LRRC8D: variants seen among roughly 807,000 people sequenced by gnomAD.
LRRC8D encodes volume-regulated anion channel subunit LRRC8D.
A neutral mutation model predicts 55.8 loss-of-function variants in LRRC8D; 20 were observed. The ratio of observed to expected loss-of-function variants is 0.36; its 90% CI spans 0.25 to 0.52. The LOEUF is 0.52. LRRC8D is among the 20% of genes least tolerant of loss of function. LRRC8D has a pLI of 0.93. For missense variants in LRRC8D, 651 were observed against 1,030.8 expected (o/e 0.63, Z 5.05); for synonymous variants, 352 against 377.0 (o/e 0.93, Z 0.77).
chr1:89,863,543 T>C (rs1474670535), intron 2 of LRRC8D, among the ~76,000 whole-genome samples: 1 of 152,174 alleles, frequency 6.6e-6, no homozygotes, highest in Non-Finnish European at 1.5e-5. Flanking sequence ...CTTTTTTTTT[T>C]CCTCCTAGCT....
intron 2 of LRRC8D, among the ~76,000 whole-genome samples, chr1:89,849,490 CTTT>C (rs34110970): frequency 2.0e-5 from 3 of 146,462 alleles, no homozygotes; most frequent in Non-Finnish European, 3.0e-5. Context: ...TGCATAATGC[CTTT>C]TTTTTTTTTT....
At chr1:89,829,122 T>G (rs1660829846) in intron 1 of LRRC8D, among the ~76,000 whole-genome samples, 1 of 152,232 alleles carries the variant, frequency 6.6e-6, no homozygotes, top group Non-Finnish European at 1.5e-5. Flanking sequence ...GTCCCCATGG[T>G]GCTTGCAATG....
chr1:89,855,055 TTCTC>T (rs758946632), intron 2 of LRRC8D, among the ~76,000 whole-genome samples: 3 of 150,562 alleles, frequency 2.0e-5, no homozygotes, highest in African/African-American at 4.9e-5. Flanking sequence ...TCTATGTTGT[TTCTC>T]TCTCTCTCTC....
chr1:89,923,008 A>G (rs982734380), intron 2 of LRRC8D, among the ~76,000 whole-genome samples: 3 of 152,164 alleles, frequency 2.0e-5, no homozygotes, highest in African/African-American at 7.2e-5. Context: ...ACTACTAACC[A>G]TACATTTGAA....
At chr1:89,887,449 T>C (rs2816858) in intron 2 of LRRC8D, among the ~76,000 whole-genome samples, 8,439 of 152,204 alleles carry the variant, frequency 0.055, 813 homozygotes, top group African/African-American at 0.2. Flanking sequence ...ATCTAACAAG[T>C]GCAGACTGAC....
intron 2 of LRRC8D, among the ~76,000 whole-genome samples, chr1:89,912,892 TTTAG>T (rs1397668063): frequency 1.3e-5 from 2 of 152,196 alleles, no homozygotes; most frequent in Non-Finnish European, 1.5e-5. Flanking sequence ...AGAGGTGTTT[TTTAG>T]TAGTTGGAGG....
intron 1 of LRRC8D, among the ~76,000 whole-genome samples, chr1:89,839,006 A>C (rs1219331048): frequency 6.6e-6 from 1 of 152,050 alleles, no homozygotes; most frequent in Non-Finnish European, 1.5e-5. Flanking sequence ...ATCTTTTTAA[A>C]GTGGGATTTT....
intron 2 of LRRC8D, among the ~76,000 whole-genome samples, chr1:89,887,227 A>T (rs1193709839): frequency 6.6e-6 from 1 of 152,228 alleles, no homozygotes; most frequent in Non-Finnish European, 1.5e-5. Flanking sequence ...CAGTGCTTGG[A>T]TATGATATGC....
rs201646694 is a variant in LRRC8D, at chr1:89,935,676, G to A, written c.*31G>A. The A allele has an allele frequency of 3.5e-4, 549 of 1,571,438 alleles. 4 individuals carry two copies. Among genetic ancestry groups the A allele is most frequent in the Middle Eastern group, 3.4e-4 (2 of 5,900 alleles). ...GATAATATATGCACAGTGATGTGCA[G>A]GAACAACTTCCTAGATTGCAAGTGC... On this transcript the variant is annotated 3_prime_UTR_variant, in exon 3 of 3. Coordinates refer to ENST00000337338, the MANE Select transcript of LRRC8D (RefSeq NM_001134479.2).
At chr1:89,902,385 C>CA (rs1300646942) in intron 2 of LRRC8D, among the ~76,000 whole-genome samples, 15 of 152,328 alleles carry the variant, frequency 9.8e-5, no homozygotes, top group Non-Finnish European at 1.9e-4. Flanking sequence ...CTCCCAGACT[C>CA]AGGCATTCTC....
chr1:89,822,892 C>G (rs577648411), intron 1 of LRRC8D, among the ~76,000 whole-genome samples: 72 of 152,252 alleles, frequency 4.7e-4, no homozygotes, highest in African/African-American at 1.6e-3. Flanking sequence ...CTAACTAAAT[C>G]CCTGTTAAAA....
intron 2 of LRRC8D, among the ~76,000 whole-genome samples, chr1:89,849,210 A>G (rs1309805750): frequency 6.6e-6 from 1 of 152,234 alleles, no homozygotes; most frequent in Admixed American, 6.5e-5. Flanking sequence ...GCAAAAGTTA[A>G]GTTAAAACTG....
intron 2 of LRRC8D, among the ~76,000 whole-genome samples, chr1:89,903,828 G>A (rs1477593169): frequency 1.3e-5 from 2 of 152,100 alleles, no homozygotes; most frequent in Non-Finnish European, 2.9e-5. Context: ...CTTGAGTTGA[G>A]CCCAGAAACT....
intron 2 of LRRC8D, among the ~76,000 whole-genome samples, chr1:89,900,417 T>TTTTCTTAGTTTGCCTGA (rs566775121): frequency 2.0e-5 from 3 of 151,758 alleles, no homozygotes; most frequent in Non-Finnish European, 4.4e-5. Flanking sequence ...TCATCGTCTG[T>TTTTCTTAGTTTGCCTGA]TTTCTTAGTT....
chr1:89,844,542 G>C (rs956452783), intron 2 of LRRC8D, among the ~76,000 whole-genome samples: 6 of 152,184 alleles, frequency 3.9e-5, no homozygotes, highest in African/African-American at 1.4e-4. Flanking sequence ...ATATGAGCCA[G>C]GCATCTTTAT....
intron 1 of LRRC8D, among the ~76,000 whole-genome samples, chr1:89,831,914 C>T (rs1422362764): frequency 1.3e-5 from 2 of 152,096 alleles, no homozygotes; most frequent in Non-Finnish European, 2.9e-5. Flanking sequence ...TGACATTGAG[C>T]GGGTATACAC....
At chr1:89,827,990 C>T (rs1660802415) in intron 1 of LRRC8D, among the ~76,000 whole-genome samples, 1 of 152,194 alleles carries the variant, frequency 6.6e-6, no homozygotes, top group Admixed American at 6.5e-5. Flanking sequence ...CCTATTGAAT[C>T]AGAATCTCTG....
At chr1:89,821,881 A>T (rs905161440) in intron 1 of LRRC8D, 1 of 151,780 alleles carries the variant, frequency 6.6e-6, no homozygotes, top group Admixed American at 6.5e-5. Context: ...CCGCAGGTGC[A>T]CCCAGCCGTC....
intron 2 of LRRC8D, among the ~76,000 whole-genome samples, chr1:89,866,531 A>G (rs542311927): frequency 1.3e-5 from 2 of 152,318 alleles, no homozygotes; most frequent in African/African-American, 4.8e-5. Flanking sequence ...TACAGCATTC[A>G]TAGACTGTGT....
Sources: gnomAD v4.1 joint callset for allele counts (sites outside exome capture counted in the v4.1 genomes callset) on GRCh38, gnomAD v4.1.1 for gene constraint, MANE v1.5 for transcripts, NCBI Gene and HGNC (gene_info 2026-07-23, HGNC 2026-07-21) for gene names.